PABPC4L: variants seen among roughly 807,000 people sequenced by gnomAD.
The protein encoded by PABPC4L is poly(A) binding protein cytoplasmic 4 like.
For missense variants in PABPC4L, 452 were observed against 451.4 expected (o/e 1.00, Z -0.01); for synonymous variants, 169 against 164.1 (o/e 1.03, Z -0.23).
At chr4:134,062,303 G>T in the PABPC4L span, among the ~76,000 whole-genome samples, 1 of 151,744 alleles carries the variant, frequency 6.6e-6, no homozygotes. Flanking sequence ...CATGAGACTC[G>T]CAGGTCAGTA....
chr4:133,989,726 C>G, the PABPC4L span, among the ~76,000 whole-genome samples: 1 of 152,052 alleles, frequency 6.6e-6, no homozygotes, highest in Non-Finnish European at 1.5e-5. Context: ...TTTGGAGCTA[C>G]TTTTAAAGCA....
chr4:134,022,823 G>A, the PABPC4L span, among the ~76,000 whole-genome samples: 1 of 151,596 alleles, frequency 6.6e-6, no homozygotes. Context: ...ATATATGCAG[G>A]AGTTTTGGGG....
the PABPC4L span, among the ~76,000 whole-genome samples, chr4:134,106,340 A>C: frequency 6.6e-6 from 1 of 151,766 alleles, no homozygotes; most frequent in South Asian, 2.1e-4. Flanking sequence ...ATAATTTAGA[A>C]AAATATTTGT....
the PABPC4L span, among the ~76,000 whole-genome samples, chr4:134,187,059 A>C: frequency 0.017 from 2,550 of 152,218 alleles, 37 homozygotes; most frequent in Non-Finnish European, 0.025. Context: ...GCTGGAGAGG[A>C]TGTGGAGAAA....
the PABPC4L span, among the ~76,000 whole-genome samples, chr4:134,132,759 C>T: frequency 6.6e-6 from 1 of 150,990 alleles, no homozygotes; most frequent in African/African-American, 2.4e-5. Flanking sequence ...TATGTGCACA[C>T]ACATATTTAT....
At chr4:133,982,583 T>G in the PABPC4L span, among the ~76,000 whole-genome samples, 1 of 152,018 alleles carries the variant, frequency 6.6e-6, no homozygotes, top group Non-Finnish European at 1.5e-5. Flanking sequence ...AAGTGTTTAT[T>G]AATAAATAGT....
the PABPC4L span, among the ~76,000 whole-genome samples, chr4:134,187,542 G>A: frequency 1.6e-4 from 21 of 130,808 alleles, 1 homozygote; most frequent in South Asian, 3.5e-3. Context: ...AGGGCCTGTC[G>A]TGGGGTGGGG....
At chr4:134,068,560 T>A in the PABPC4L span, among the ~76,000 whole-genome samples, 6 of 152,260 alleles carry the variant, frequency 3.9e-5, no homozygotes, top group East Asian at 1.2e-3. Context: ...GATCATGTCA[T>A]CATGTTGTTA....
the PABPC4L span, among the ~76,000 whole-genome samples, chr4:134,150,181 C>A: frequency 6.6e-6 from 1 of 151,004 alleles, no homozygotes; most frequent in Non-Finnish European, 1.5e-5. Context: ...CTCCCGGGTT[C>A]AAGCGATTCT....
chr4:134,172,397 A>C, the PABPC4L span, among the ~76,000 whole-genome samples: 1 of 152,260 alleles, frequency 6.6e-6, no homozygotes, highest in South Asian at 2.1e-4. Context: ...GACAAAGTTG[A>C]CCAACTAGCA....
At chr4:133,969,701 G>A in the PABPC4L span, among the ~76,000 whole-genome samples, 3 of 152,184 alleles carry the variant, frequency 2.0e-5, no homozygotes, top group African/African-American at 7.2e-5. Flanking sequence ...GAAGGGTGTT[G>A]TTCCCATATG....
chr4:134,028,919 A>G, the PABPC4L span, among the ~76,000 whole-genome samples: 1 of 152,156 alleles, frequency 6.6e-6, no homozygotes, highest in African/African-American at 2.4e-5. Flanking sequence ...TACTTTTTCC[A>G]AAACCAGTGA....
the PABPC4L span, among the ~76,000 whole-genome samples, chr4:134,084,896 G>T: frequency 6.6e-6 from 1 of 152,094 alleles, no homozygotes; most frequent in East Asian, 1.9e-4. Context: ...ACATGGAAGG[G>T]TGAGGAAAAT....
chr4:133,948,980 G>A, the PABPC4L span, among the ~76,000 whole-genome samples: 8 of 152,164 alleles, frequency 5.3e-5, no homozygotes, highest in African/African-American at 1.7e-4. Context: ...AATAGCCTGA[G>A]AGCTAACCAT....
At chr4:134,183,921 CGTGT>C in the PABPC4L span, among the ~76,000 whole-genome samples, 6 of 148,362 alleles carry the variant, frequency 4.0e-5, no homozygotes, top group African/African-American at 7.4e-5. Flanking sequence ...TGTGTGTGTG[CGTGT>C]GTGTGTGTGT....
the PABPC4L span, among the ~76,000 whole-genome samples, chr4:133,952,347 A>G: frequency 6.6e-6 from 1 of 152,106 alleles, no homozygotes; most frequent in Admixed American, 6.5e-5. Flanking sequence ...TTTTGGATCC[A>G]TTACACTGAA....
chr4:134,055,641 T>A, the PABPC4L span, among the ~76,000 whole-genome samples: 1 of 151,750 alleles, frequency 6.6e-6, no homozygotes, highest in African/African-American at 2.4e-5. Context: ...TTTTTTTTTT[T>A]TTTTTGGCAA....
the PABPC4L span, among the ~76,000 whole-genome samples, chr4:133,962,934 A>G: frequency 6.6e-6 from 1 of 152,168 alleles, no homozygotes; most frequent in Non-Finnish European, 1.5e-5. Context: ...CTATAAAACA[A>G]AAAACCAAGA....
At chr4:134,082,626 A>G in the PABPC4L span, among the ~76,000 whole-genome samples, 1 of 152,180 alleles carries the variant, frequency 6.6e-6, no homozygotes, top group African/African-American at 2.4e-5. Context: ...CAAAATAAGC[A>G]TAATCGATGA....
Sources: gnomAD v4.1 joint callset for allele counts (sites outside exome capture counted in the v4.1 genomes callset) on GRCh38, gnomAD v4.1.1 for gene constraint, MANE v1.5 for transcripts, NCBI Gene and HGNC (gene_info 2026-07-23, HGNC 2026-07-21) for gene names.